PARD3: variants seen among roughly 807,000 people sequenced by gnomAD.
PARD3 encodes the protein partitioning defective 3 homolog.
Under a neutral mutation model 155.4 loss-of-function variants are expected in PARD3, and 75 were observed. That is an observed-to-expected ratio of 0.48 (90% CI 0.40 to 0.58). The LOEUF (loss-of-function observed/expected upper bound fraction) is 0.58. PARD3 is among the 20% of genes least tolerant of loss of function. The probability of loss-of-function intolerance (pLI) is 0.00; values close to 1 mark genes in which losing one functional copy is unlikely to be tolerated. For synonymous variants in PARD3, 576 were observed against 610.5 expected, an observed-to-expected ratio of 0.94 and a Z score of 0.83; for missense variants, 1,642 against 1,721.7, an observed-to-expected ratio of 0.95 and a Z score of 0.82.
At chr10:34,731,674 ACAAT>A (rs2094820680) in intron 1 of PARD3, among the ~76,000 whole-genome samples, 1 of 152,240 alleles carries the variant, frequency 6.6e-6, no homozygotes, top group Non-Finnish European at 1.5e-5. Context: ...AATTTTTTTC[ACAAT>A]CAAATAGTAG....
chr10:34,573,782 C>G (rs916277162), intron 2 of PARD3, among the ~76,000 whole-genome samples: 3 of 133,684 alleles, frequency 2.2e-5, no homozygotes, highest in East Asian at 4.2e-4. Flanking sequence ...CACACACACA[C>G]ACAGAGAATC....
intron 2 of PARD3, among the ~76,000 whole-genome samples, chr10:34,615,540 T>C (rs1241591139): frequency 3.3e-5 from 5 of 152,154 alleles, no homozygotes; most frequent in Non-Finnish European, 7.4e-5. Context: ...CTTCCCGACA[T>C]TGGTCTGGGC....
intron 5 of PARD3, among the ~76,000 whole-genome samples, chr10:34,423,858 C>T (rs1349797650): frequency 6.6e-6 from 1 of 152,088 alleles, no homozygotes; most frequent in Non-Finnish European, 1.5e-5. Flanking sequence ...TTTCAACTCA[C>T]AGAACCGTTA....
At chr10:34,556,385 CTTTT>C (rs5784421) in intron 2 of PARD3, among the ~76,000 whole-genome samples, 2 of 137,388 alleles carry the variant, frequency 1.5e-5, no homozygotes. Context: ...TTTCTTCTTT[CTTTT>C]TTTTTTTTTT....
chr10:34,741,823 A>G (rs749827964), intron 1 of PARD3, among the ~76,000 whole-genome samples: 1 of 152,228 alleles, frequency 6.6e-6, no homozygotes, highest in Non-Finnish European at 1.5e-5. Flanking sequence ...CAGAAAAATT[A>G]ACAAAAGTTG....
At chr10:34,549,049 T>C (rs930545307) in intron 2 of PARD3, among the ~76,000 whole-genome samples, 3 of 152,260 alleles carry the variant, frequency 2.0e-5, no homozygotes, top group African/African-American at 7.2e-5. Flanking sequence ...AGCTCGACAG[T>C]TGCATTTCTG....
At chr10:34,381,873 A>G (rs1174465322) in intron 9 of PARD3, among the ~76,000 whole-genome samples, 1 of 141,936 alleles carries the variant, frequency 7.0e-6, no homozygotes, top group Non-Finnish European at 1.5e-5. Context: ...TGACTGCACC[A>G]CTGCACTGTA....
intron 22 of PARD3, among the ~76,000 whole-genome samples, chr10:34,167,580 G>A (rs1949592941): frequency 6.6e-6 from 1 of 150,436 alleles, no homozygotes; most frequent in African/African-American, 2.5e-5. Flanking sequence ...GTAGAAAATG[G>A]CAAAAGGTAA....
In PARD3 at chr10:34,543,440, T is replaced by A. The variant is rs180897429; in HGVS notation, c.223-26281A>T. Among the ~76,000 whole-genome samples the A allele has an allele frequency of 1.6e-3, 250 of 152,310 alleles. 1 individual carries two copies. Among genetic ancestry groups the A allele is most frequent in the Non-Finnish European group, 3.1e-3 (210 of 68,022 alleles). ...AACCATGAAAAGACAGAAATCTACT[T>A]GCTGTTCACCATGCATACTTCAATA... On this transcript the variant is annotated intron_variant, in intron 2 of 24. Transcript: ENST00000374788.
chr10:34,733,621 T>C (rs2094857207), intron 1 of PARD3, among the ~76,000 whole-genome samples: 1 of 152,182 alleles, frequency 6.6e-6, no homozygotes, highest in South Asian at 2.1e-4. Flanking sequence ...GCAGCTGAGA[T>C]TACAGGCGTG....
chr10:34,354,120 T>C (rs1187422996), intron 14 of PARD3, among the ~76,000 whole-genome samples: 2 of 149,426 alleles, frequency 1.3e-5, no homozygotes, highest in Admixed American at 1.3e-4. Flanking sequence ...TAACAAGACC[T>C]GTCTTTCTTC....
At chr10:34,651,774 T>C (rs1324725506) in intron 2 of PARD3, among the ~76,000 whole-genome samples, 1 of 152,178 alleles carries the variant, frequency 6.6e-6, no homozygotes, top group Non-Finnish European at 1.5e-5. Context: ...AAGTGGACAA[T>C]TTGGCCACTT....
At chr10:34,311,079 A>G (rs1957673844) in intron 20 of PARD3, among the ~76,000 whole-genome samples, 1 of 152,186 alleles carries the variant, frequency 6.6e-6, no homozygotes, top group Admixed American at 6.5e-5. Flanking sequence ...AAAAACTAGC[A>G]TGACAAATAA....
chr10:34,555,540 G>A (rs922384429), intron 2 of PARD3, among the ~76,000 whole-genome samples: 5 of 152,282 alleles, frequency 3.3e-5, no homozygotes, highest in African/African-American at 1.2e-4. Flanking sequence ...CACAGAATAA[G>A]TAATACTTCA....
chr10:34,463,028 C>T lies in PARD3; in HGVS notation c.582+7057G>A, dbSNP rs1208472352. Among the ~76,000 whole-genome samples the T allele has an allele frequency of 1.1e-4, 5 of 46,938 alleles. No homozygotes were observed. The South Asian group carries it at 6.2e-3, about 58-fold the overall frequency. The allele number at this position is 46,938 out of a possible 152,430, so 30.8% of individuals were successfully genotyped here. On this transcript the variant is annotated intron_variant, in intron 4 of 24. Transcript: ENST00000374788. Reference sequence around the variant, plus strand: ...GGGAGGGGAAGGGTAGGAAAGGGAACGAGGAGGGGAAGGGGAGGAAAGGGA... The same window carrying T: ...GGGAGGGGAAGGGTAGGAAAGGGAATGAGGAGGGGAAGGGGAGGAAAGGGA...
chr10:34,303,621 T>C (rs1957262455), intron 20 of PARD3, among the ~76,000 whole-genome samples: 3 of 147,536 alleles, frequency 2.0e-5, no homozygotes, highest in Non-Finnish European at 3.0e-5. Context: ...TTCGATAAGA[T>C]GTTTTTTTTT....
At chr10:34,414,433 G>A (rs528444115) in intron 5 of PARD3, among the ~76,000 whole-genome samples, 2 of 152,136 alleles carry the variant, frequency 1.3e-5, no homozygotes, top group Non-Finnish European at 2.9e-5. Flanking sequence ...AACTTGGATA[G>A]GACTGAGAAG....
intron 1 of PARD3, among the ~76,000 whole-genome samples, chr10:34,725,147 G>C (rs944724440): frequency 2.7e-5 from 3 of 110,880 alleles, no homozygotes; most frequent in Admixed American, 9.6e-5. Flanking sequence ...GTGTGTGTGT[G>C]TGTGACAGAG....
intron 1 of PARD3, among the ~76,000 whole-genome samples, chr10:34,795,133 A>T (rs1271215564): frequency 6.6e-6 from 1 of 152,248 alleles, no homozygotes; most frequent in Non-Finnish European, 1.5e-5. Flanking sequence ...CCACAGTACA[A>T]GAAGTCCAAC....
Sources: allele counts gnomAD v4.1 joint callset (sites outside exome capture counted in the v4.1 genomes callset), GRCh38; gene constraint gnomAD v4.1.1; transcripts MANE v1.5; gene names NCBI Gene and HGNC (gene_info 2026-07-23, HGNC 2026-07-21).